Variants in ARHGAP8 observed in about 807,000 individuals in gnomAD.
The protein encoded by ARHGAP8 is Rho GTPase activating protein 8.
ARHGAP8 carries 62 observed loss-of-function variants against 46.1 expected under a neutral mutation model. The observed-to-expected ratio is 1.34, with a 90% CI of 1.10 to 1.66. ARHGAP8 has a LOEUF of 1.66. Among genes scored for constraint, ARHGAP8 ranks in the 40% most tolerant of loss-of-function variants. ARHGAP8 has a pLI of 0.00. For synonymous variants in ARHGAP8, 375 were observed against 243.1 expected (o/e 1.54, Z -5.05); for missense variants, 923 against 568.4 (o/e 1.62, Z -6.34).
chr22:44,795,051 A>C (rs192493122), intron 2 of ARHGAP8, among the ~76,000 whole-genome samples: 110 of 150,538 alleles, frequency 7.3e-4, no homozygotes, highest in Admixed American at 1.4e-3. Flanking sequence ...AAAAAAAAAA[A>C]AAACAAAAAA....
chr22:44,813,341 A>G (rs868301034), intron 4 of ARHGAP8, among the ~76,000 whole-genome samples: 13 of 151,716 alleles, frequency 8.6e-5, no homozygotes, highest in Middle Eastern at 3.2e-3. Flanking sequence ...AGACACCTAC[A>G]TATACATACA....
At chr22:44,780,647 G>A (rs1926777721) in intron 1 of ARHGAP8, among the ~76,000 whole-genome samples, 1 of 152,174 alleles carries the variant, frequency 6.6e-6, no homozygotes, top group Admixed American at 6.5e-5. Context: ...GGGCAACGGA[G>A]CAAGACTCCA....
At chr22:44,839,237 G>A (rs1011868050) in intron 7 of ARHGAP8, among the ~76,000 whole-genome samples, 3 of 152,152 alleles carry the variant, frequency 2.0e-5, no homozygotes, top group East Asian at 1.9e-4. Flanking sequence ...GGCCAGGTCC[G>A]TATTCCTGCA....
At chr22:44,774,338 A>G (rs770110566) in intron 1 of ARHGAP8, among the ~76,000 whole-genome samples, 1 of 152,202 alleles carries the variant, frequency 6.6e-6, no homozygotes, top group Non-Finnish European at 1.5e-5. Flanking sequence ...TGAGTGTCCT[A>G]TCACTGCCGA....
intron 7 of ARHGAP8, among the ~76,000 whole-genome samples, chr22:44,833,114 T>G (rs868351903): frequency 2.7e-5 from 4 of 146,224 alleles, no homozygotes; most frequent in African/African-American, 1.0e-4. Flanking sequence ...TTTTTTTTTT[T>G]GAGATAGAGT....
At chr22:44,851,714 C>T (rs1370423991) in intron 10 of ARHGAP8, among the ~76,000 whole-genome samples, 3 of 152,080 alleles carry the variant, frequency 2.0e-5, no homozygotes, top group Non-Finnish European at 4.4e-5. Flanking sequence ...GTAGTGTATG[C>T]CTGTAGTCCC....
chr22:44,802,549 G>C (rs748542823), intron 3 of ARHGAP8, among the ~76,000 whole-genome samples: 4 of 152,172 alleles, frequency 2.6e-5, no homozygotes, highest in Non-Finnish European at 5.9e-5. Flanking sequence ...GCCTCTCTCT[G>C]GGAACACCTT....
intron 7 of ARHGAP8, among the ~76,000 whole-genome samples, chr22:44,836,051 G>A (rs944948144): frequency 2.6e-5 from 4 of 151,950 alleles, no homozygotes; most frequent in Non-Finnish European, 4.4e-5. Context: ...AGAGTTTTGG[G>A]GACTGACCTC....
chr22:44,766,504 CTG>C (rs541255382), intron 1 of ARHGAP8, among the ~76,000 whole-genome samples: 171 of 151,782 alleles, frequency 1.1e-3, no homozygotes, highest in East Asian at 3.1e-3. Flanking sequence ...ACGTGTGTCT[CTG>C]TGCATGTCTG....
chr22:44,822,469 GGTAA>G lies in ARHGAP8; in HGVS notation c.485+3_485+6del, dbSNP rs774701089. Reference sequence around the variant, plus strand: ...CTGGTCATCCCTCCCGAAGTTTTGCGGTAAGTGCCTGTTAGACCCCAGAAGCCGC... The same window carrying G: ...CTGGTCATCCCTCCCGAAGTTTTGCGGTGCCTGTTAGACCCCAGAAGCCGC... On this transcript the variant is annotated splice_donor_variant and splice_donor_region_variant and intron_variant, in intron 6 of 11. Coordinates refer to ENST00000356099, the MANE Select transcript of ARHGAP8 (RefSeq NM_181335.3). LOFTEE classifies it high-confidence loss of function. The G allele has an allele frequency of 1.3e-6, 2 of 1,549,994 alleles. No individual in the cohort carries two copies. Among genetic ancestry groups the G allele is most frequent in the East Asian group, 2.5e-5 (1 of 40,148 alleles).
intron 4 of ARHGAP8, among the ~76,000 whole-genome samples, chr22:44,810,541 G>A (rs943574162): frequency 6.6e-6 from 1 of 152,202 alleles, no homozygotes; most frequent in Admixed American, 6.5e-5. Flanking sequence ...TGCCCAGCCG[G>A]CAGGCTTTTA....
chr22:44,862,182 A>C, intron 11 of ARHGAP8, 93 bp from the exon 12 acceptor site: 1 of 1,456,280 alleles, frequency 6.9e-7, no homozygotes, highest in Admixed American at 2.3e-5. Context: ...TCCTCTCACT[A>C]CACCTACGCC....
At chr22:44,825,880 G>A (rs1930484336) in intron 7 of ARHGAP8, among the ~76,000 whole-genome samples, 1 of 122,084 alleles carries the variant, frequency 8.2e-6, no homozygotes, top group Non-Finnish European at 1.7e-5. Context: ...GTTGGGGGGC[G>A]CGTGCTTGCT....
At chr22:44,835,942 C>T (rs995324004) in intron 7 of ARHGAP8, among the ~76,000 whole-genome samples, 3 of 152,284 alleles carry the variant, frequency 2.0e-5, no homozygotes, top group Admixed American at 1.3e-4. Context: ...TACAATCCTT[C>T]TCTTTGCGAT....
Position 44,787,493 on chromosome 22 carries a change from C to T in ARHGAP8, c.79+887C>T, listed in dbSNP as rs117196903. 8.5e-3 allele frequency among the ~76,000 whole-genome samples: 1,296 copies of T among 152,182 alleles called. 13 individuals are homozygous for T. The highest frequency in any genetic ancestry group is 0.015 in the Non-Finnish European group (1,012 of 68,008). On this transcript the variant is annotated intron_variant, in intron 2 of 11. Coordinates refer to ENST00000356099, the MANE Select transcript of ARHGAP8 (RefSeq NM_181335.3). ...CCAAGTAGCTGGGATTACAGGCGCT[C>T]ACCCCCACACTCAGCTAATTTTTGT... is the stretch of plus-strand genomic sequence containing the variant.
At chr22:44,788,769 A>G (rs1365619675) in intron 2 of ARHGAP8, among the ~76,000 whole-genome samples, 1 of 152,212 alleles carries the variant, frequency 6.6e-6, no homozygotes, top group African/African-American at 2.4e-5. Flanking sequence ...ATATATATGG[A>G]TACAATCCGC....
intron 4 of ARHGAP8, chr22:44,808,887 G>A: frequency 2.8e-6 from 1 of 363,466 alleles, no homozygotes; most frequent in Admixed American, 3.6e-5. Flanking sequence ...GTGCAATCAT[G>A]GTTCACTGCA....
At chr22:44,827,362 T>TTTG (rs869138373) in intron 7 of ARHGAP8, among the ~76,000 whole-genome samples, 1 of 139,938 alleles carries the variant, frequency 7.1e-6, no homozygotes, top group Admixed American at 7.2e-5. Context: ...TTTTTTTTTT[T>TTTG]GAGACAGTCT....
chr22:44,753,449 G>A (rs1924411461), intron 1 of ARHGAP8, among the ~76,000 whole-genome samples: 1 of 152,104 alleles, frequency 6.6e-6, no homozygotes. Context: ...TCGACCACCT[G>A]ACCTCAGGTG....
Sources: gnomAD v4.1 joint callset for allele counts (sites outside exome capture counted in the v4.1 genomes callset) on GRCh38, gnomAD v4.1.1 for gene constraint, MANE v1.5 for transcripts, NCBI Gene and HGNC (gene_info 2026-07-23, HGNC 2026-07-21) for gene names.